PIWIL2: variants seen among roughly 807,000 people sequenced by gnomAD.
PIWIL2 encodes the protein piwi-like protein 2.
A neutral mutation model predicts 116.5 loss-of-function variants in PIWIL2; 81 were observed. The observed-to-expected ratio is 0.70, with a 90% CI of 0.58 to 0.84. PIWIL2 has a LOEUF of 0.84. PIWIL2 is among the 40% of genes least tolerant of loss of function. The pLI is 0.00. For synonymous variants in PIWIL2, 489 were observed against 429.5 expected, an observed-to-expected ratio of 1.14 and a Z score of -1.71; for missense variants, 1,272 against 1,212.3, an observed-to-expected ratio of 1.05 and a Z score of -0.73.
At position 22,309,995 on chromosome 8, in the gene PIWIL2, A is replaced by G; in HGVS notation, c.1721A>G (p.Asn574Ser). 2 of 1,610,692 alleles carry G rather than the reference A, an allele frequency of 1.2e-6. No homozygotes were observed. Among genetic ancestry groups the G allele is most frequent in the Non-Finnish European group, 1.7e-6 (2 of 1,176,890 alleles). Residue 574 changes from asparagine (N) to serine (S), a missense_variant, in exon 15 of 23, where the codon AAC (asparagine) becomes AGC (serine). Coordinates refer to ENST00000356766, the MANE Select transcript of PIWIL2 (RefSeq NM_018068.5). ...EGRVLPMERI[N>S]LKNTSFITSQ... ...CGTGTTCTGCCAATGGAAAGAATTA[A>G]CTTAAAAAATACTTCGTTTATCACA...
chr8:22,316,673 C>T (rs761329386), intron 19 of PIWIL2, among the ~76,000 whole-genome samples: 1 of 151,822 alleles, frequency 6.6e-6, no homozygotes, highest in East Asian at 1.9e-4. Flanking sequence ...GTAGAGACAG[C>T]GTTTCACCAT....
At chr8:22,280,214 A>G (rs764795022) in intron 2 of PIWIL2, among the ~76,000 whole-genome samples, 2 of 152,148 alleles carry the variant, frequency 1.3e-5, no homozygotes, top group Non-Finnish European at 2.9e-5. Flanking sequence ...TTTTCTGAAT[A>G]TTTAGATTTT....
intron 20 of PIWIL2, among the ~76,000 whole-genome samples, chr8:22,347,113 T>G (rs956578787): frequency 6.7e-6 from 1 of 148,542 alleles, no homozygotes; most frequent in Non-Finnish European, 1.5e-5. Context: ...TCAGACTGCA[T>G]GAGCCATCAT....
At chr8:22,322,505 C>A (rs1831622143) in intron 20 of PIWIL2, among the ~76,000 whole-genome samples, 1 of 152,118 alleles carries the variant, frequency 6.6e-6, no homozygotes, top group African/African-American at 2.4e-5. Flanking sequence ...TGGCCTCAAG[C>A]TATCCGCCTA....
In PIWIL2 at chr8:22,355,595, CT is replaced by C. The variant is rs1832472256; in HGVS notation, c.*94del. On this transcript the variant is annotated 3_prime_UTR_variant, in exon 23 of 23. Coordinates refer to ENST00000356766, the MANE Select transcript of PIWIL2 (RefSeq NM_018068.5). ...CAGAATCAACAGAGACTGAAGTGGG[CT>C]TTTGTGTTATAATTTTCCCTTTCTC... The C allele has an allele frequency of 1.7e-6, 2 of 1,176,164 alleles. No homozygotes were observed. Among genetic ancestry groups the C allele is most frequent in the Non-Finnish European group, 1.2e-6 (1 of 822,614 alleles). The allele number at this position is 1,176,164 out of a possible 1,614,324, so 72.9% of individuals were successfully genotyped here.
At position 22,295,721 on chromosome 8, in the gene PIWIL2, A is replaced by G. The variant is rs1398058157; in HGVS notation, c.1181+5375A>G. On this transcript the variant is annotated intron_variant, in intron 10 of 22. Coordinates refer to ENST00000356766, the MANE Select transcript of PIWIL2 (RefSeq NM_018068.5). ...CTGTTCTTATGGATCACTGGAAACC[A>G]CAGAAGAGCATTTATTTTCCTGGAG... Among the ~76,000 whole-genome samples, 5 of 152,160 alleles carry G rather than the reference A, an allele frequency of 3.3e-5. No individual in the cohort carries two copies. The East Asian group carries it at 5.8e-4, about 18-fold the overall frequency.
intron 15 of PIWIL2, 96 bp from the exon 16 acceptor site, chr8:22,311,016 G>A: frequency 1.1e-5 from 11 of 1,027,064 alleles, no homozygotes; most frequent in Non-Finnish European, 1.6e-5. Flanking sequence ...CAAGCAATGA[G>A]AGTGAAAAGT....
intron 9 of PIWIL2, 103 bp from the exon 10 acceptor site, chr8:22,290,130 T>C (rs1830725590): frequency 2.7e-6 from 2 of 746,756 alleles, no homozygotes; most frequent in South Asian, 3.6e-5. Flanking sequence ...TTCTCATTAC[T>C]ATTAGGGAAG....
At chr8:22,307,106 A>G (rs1400621661) in intron 13 of PIWIL2, among the ~76,000 whole-genome samples, 1 of 152,234 alleles carries the variant, frequency 6.6e-6, no homozygotes, top group African/African-American at 2.4e-5. Context: ...GTTAGAATGA[A>G]TATGGTTTTC....
At position 22,308,085 on chromosome 8, in the gene PIWIL2, A is replaced by G. The variant is rs73670404; in HGVS notation, c.1686+12A>G. 3.2e-5 allele frequency: 51 copies of G among 1,610,538 alleles called. No individual in the cohort carries two copies. The African/African-American group carries it at 5.1e-4, about 16-fold the overall frequency. On this transcript the variant is annotated intron_variant, in intron 14 of 22. Coordinates refer to ENST00000356766, the MANE Select transcript of PIWIL2 (RefSeq NM_018068.5). ...AGGATGTACATAAGGTAAACCAAAA[A>G]ACGTGATGGTGTATGCACATGTACA...
intron 20 of PIWIL2, among the ~76,000 whole-genome samples, chr8:22,333,945 A>G (rs965312009): frequency 1.3e-4 from 20 of 151,604 alleles, no homozygotes; most frequent in African/African-American, 4.9e-4. Flanking sequence ...ATGAGGAGGA[A>G]CTACTAATGG....
At chr8:22,299,231 A>G (rs1246622905) in intron 10 of PIWIL2, among the ~76,000 whole-genome samples, 2 of 145,394 alleles carry the variant, frequency 1.4e-5, no homozygotes, top group East Asian at 4.0e-4. Flanking sequence ...TTTTTTTGAG[A>G]TGGAATTTCA....
chr8:22,339,255 C>G (rs558871749), intron 20 of PIWIL2, among the ~76,000 whole-genome samples: 5 of 152,228 alleles, frequency 3.3e-5, no homozygotes, highest in African/African-American at 1.2e-4. Context: ...TGCCTGTAAT[C>G]CCAGCACTTT....
intron 5 of PIWIL2, 35 bp downstream of exon 5, chr8:22,283,275 T>G (rs776443066): frequency 5.2e-6 from 8 of 1,527,598 alleles, no homozygotes; most frequent in Non-Finnish European, 7.2e-6. Flanking sequence ...TACTTAGTAA[T>G]GATCGTGAAA....
chr8:22,302,565 C>G (rs1380387183), intron 10 of PIWIL2, among the ~76,000 whole-genome samples: 1 of 152,032 alleles, frequency 6.6e-6, no homozygotes, highest in Non-Finnish European at 1.5e-5. Context: ...CTGCTGATGT[C>G]TTTGCTCGGT....
rs187481006 is a variant in PIWIL2, at chr8:22,324,814, G to A, written c.2403+6539G>A. 8.5e-5 allele frequency among the ~76,000 whole-genome samples: 13 copies of A among 152,264 alleles called. No homozygotes were observed. The East Asian group carries it at 2.5e-3, about 29-fold the overall frequency. ...GAAGAGAGGAAATTTAGACACAGAGGCAGACACACATAGACGGAAAATAAT... is the reference window on the plus strand; with the variant it reads ...GAAGAGAGGAAATTTAGACACAGAGACAGACACACATAGACGGAAAATAAT... On this transcript the variant is annotated intron_variant, in intron 20 of 22. Transcript: ENST00000356766.
intron 20 of PIWIL2, among the ~76,000 whole-genome samples, chr8:22,341,523 A>G (rs1181239543): frequency 1.4e-5 from 2 of 146,292 alleles, no homozygotes; most frequent in African/African-American, 5.0e-5. Context: ...TAAACCTGGG[A>G]GGCGAAGGTT....
chr8:22,329,439 G>C (rs1831807812), intron 20 of PIWIL2, among the ~76,000 whole-genome samples: 1 of 152,198 alleles, frequency 6.6e-6, no homozygotes, highest in African/African-American at 2.4e-5. Context: ...AGCAGAAGCA[G>C]GCACTTCACA....
intron 13 of PIWIL2, among the ~76,000 whole-genome samples, chr8:22,307,346 A>G (rs1479507416): frequency 6.6e-6 from 1 of 152,148 alleles, no homozygotes; most frequent in Admixed American, 6.5e-5. Flanking sequence ...GGTGTAATCA[A>G]GCCCCTTTGT....
Sources: allele counts gnomAD v4.1 joint callset (sites outside exome capture counted in the v4.1 genomes callset), GRCh38; gene constraint gnomAD v4.1.1; transcripts MANE v1.5; gene names NCBI Gene and HGNC (gene_info 2026-07-23, HGNC 2026-07-21).